The following DLGAP2 variants were observed in gnomAD, a reference collection of about 807,000 sequenced individuals.
DLGAP2 encodes the protein disks large-associated protein 2.
A neutral mutation model predicts 100.3 loss-of-function variants in DLGAP2; 26 were observed. The ratio of observed to expected loss-of-function variants is 0.26; its 90% CI spans 0.19 to 0.36. The LOEUF is 0.36. Ranked by LOEUF, DLGAP2 falls within the 10% of genes least tolerant of loss-of-function variation. The probability of loss-of-function intolerance (pLI) is 1.00; values close to 1 mark genes in which losing one functional copy is unlikely to be tolerated. For synonymous variants in DLGAP2, 886 were observed against 630.1 expected, an observed-to-expected ratio of 1.41 and a Z score of -6.08; for missense variants, 1,858 against 1,453.2, an observed-to-expected ratio of 1.28 and a Z score of -4.53.
At chr8:1,263,021 G>A (rs558023727) in intron 3 of DLGAP2, among the ~76,000 whole-genome samples, 46 of 152,224 alleles carry the variant, frequency 3.0e-4, no homozygotes, top group African/African-American at 1.0e-3. Flanking sequence ...CCACAGTGAC[G>A]TATTAACAGT....
intron 3 of DLGAP2, among the ~76,000 whole-genome samples, chr8:1,313,141 T>G (rs768573600): frequency 5.3e-5 from 8 of 152,228 alleles, no homozygotes; most frequent in Non-Finnish European, 1.2e-4. Flanking sequence ...CATTTACCTA[T>G]GTCTGTTTAT....
chr8:850,962 G>T (rs1797172691), intron 1 of DLGAP2, among the ~76,000 whole-genome samples: 1 of 152,074 alleles, frequency 6.6e-6, no homozygotes, highest in South Asian at 2.1e-4. Context: ...AGAAAATGCT[G>T]CAAAGAGGCC....
At chr8:1,408,233 C>A (rs1208236382) in intron 3 of DLGAP2, among the ~76,000 whole-genome samples, 1 of 152,232 alleles carries the variant, frequency 6.6e-6, no homozygotes, top group Admixed American at 6.5e-5. Flanking sequence ...GCCTCACTGT[C>A]CAACTCATTC....
chr8:1,702,683 T>A lies in DLGAP2; in HGVS notation c.*1277T>A, dbSNP rs1799607502. On this transcript the variant is annotated 3_prime_UTR_variant, in exon 15 of 15. Transcript: ENST00000637795. ...CAGAGGAAAATAGGAACGACTCTAA[T>A]TAATAGGCTTTCTGTGTATATAATT... 6.6e-6 allele frequency: 1 copy of A among 152,286 alleles called. No homozygotes were observed. Among genetic ancestry groups the A allele is most frequent in the African/African-American group, 2.4e-5 (1 of 41,458 alleles). The allele number at this position is 152,286 out of a possible 1,614,324, so 9.4% of individuals were successfully genotyped here. A position where few individuals can be genotyped will look rare whatever the true frequency, so the allele number is the denominator to read the frequency against.
chr8:1,680,616 G>A (rs1163141639), intron 12 of DLGAP2: 5 of 152,222 alleles, frequency 3.3e-5, no homozygotes, highest in Admixed American at 1.3e-4. Flanking sequence ...CCCGCAGCAC[G>A]GCTGCATGGG....
At chr8:1,262,981 C>T (rs1258664549) in intron 3 of DLGAP2, among the ~76,000 whole-genome samples, 1 of 152,098 alleles carries the variant, frequency 6.6e-6, no homozygotes, top group Non-Finnish European at 1.5e-5. Flanking sequence ...ATAATGATGC[C>T]TGGTGGGGCC....
At chr8:1,379,944 C>A in intron 3 of DLGAP2, among the ~76,000 whole-genome samples, 1 of 150,904 alleles carries the variant, frequency 6.6e-6, no homozygotes, top group Non-Finnish European at 1.5e-5. Flanking sequence ...CCCTTCCCTC[C>A]CCTCCTGCTC....
intron 2 of DLGAP2, among the ~76,000 whole-genome samples, chr8:1,125,720 A>G (rs1029338919): frequency 1.3e-5 from 2 of 152,254 alleles, no homozygotes; most frequent in Non-Finnish European, 2.9e-5. Flanking sequence ...CAGACTCGCA[A>G]GGTTTTACGT....
rs1003753799 is a variant in DLGAP2, at chr8:1,325,782, T to C, written c.106+66899T>C. 4.2e-4 allele frequency among the ~76,000 whole-genome samples: 64 copies of C among 152,196 alleles called. 1 individual carries two copies. The highest frequency in any genetic ancestry group is 1.4e-3 in the African/African-American group (56 of 41,450). The stretch of plus-strand genomic sequence containing the variant: ...CTGTTTTCCTGAGACGGGTGAAATG[T>C]TAATTTACTGTATCAAGAGTTGTCG... On this transcript the variant is annotated intron_variant, in intron 3 of 14. Coordinates refer to ENST00000637795, the MANE Select transcript of DLGAP2 (RefSeq NM_001346810.2).
chr8:967,198 C>G (rs1584931999), intron 2 of DLGAP2, among the ~76,000 whole-genome samples: 1 of 152,242 alleles, frequency 6.6e-6, no homozygotes, highest in Non-Finnish European at 1.5e-5. Context: ...ATACACTGTA[C>G]ACGTTTAAAC....
chr8:1,684,260 A>G lies in DLGAP2; in HGVS notation c.2704+5631A>G, dbSNP rs1320662003. On this transcript the variant is annotated intron_variant, in intron 12 of 14. Coordinates refer to ENST00000637795, the MANE Select transcript of DLGAP2 (RefSeq NM_001346810.2). ...TCTTAATTTCTTAAATTGCCCAGAT[A>G]CCTTCATCTTTTTGTGGACAGATGT... 3.3e-5 allele frequency among the ~76,000 whole-genome samples: 5 copies of G among 151,900 alleles called. No homozygotes were observed. In the East Asian group the frequency reaches 9.7e-4, roughly 29 times the overall value.
intron 2 of DLGAP2, among the ~76,000 whole-genome samples, chr8:943,378 G>A (rs1007805497): frequency 6.6e-6 from 1 of 152,174 alleles, no homozygotes; most frequent in Non-Finnish European, 1.5e-5. Flanking sequence ...TTTATGCACC[G>A]GACACTTTGG....
chr8:1,617,352 T>C (rs1797189112), intron 6 of DLGAP2, among the ~76,000 whole-genome samples: 1 of 152,236 alleles, frequency 6.6e-6, no homozygotes, highest in East Asian at 1.9e-4. Flanking sequence ...CAGCAGTGTA[T>C]GAGCATTCCC....
At chr8:1,506,843 G>T (rs564932605) in intron 4 of DLGAP2, among the ~76,000 whole-genome samples, 1 of 152,148 alleles carries the variant, frequency 6.6e-6, no homozygotes, top group Non-Finnish European at 1.5e-5. Context: ...GTCCCCACTA[G>T]ATGAGCTAGA....
At chr8:948,476 A>G (rs1411735723) in intron 2 of DLGAP2, among the ~76,000 whole-genome samples, 1 of 152,106 alleles carries the variant, frequency 6.6e-6, no homozygotes, top group East Asian at 1.9e-4. Context: ...CTCCCACCAC[A>G]CCAGGCGCCT....
In DLGAP2 at chr8:1,072,065, C is replaced by G. The variant is rs180701476; in HGVS notation, c.73+164099C>G. 6.5e-4 allele frequency among the ~76,000 whole-genome samples: 99 copies of G among 152,188 alleles called. 1 individual carries two copies. Among genetic ancestry groups the G allele is most frequent in the Non-Finnish European group, 1.1e-3 (75 of 68,044 alleles). On this transcript the variant is annotated intron_variant, in intron 2 of 14. Coordinates refer to ENST00000637795, the MANE Select transcript of DLGAP2 (RefSeq NM_001346810.2). Reference sequence around the variant, plus strand: ...CCACTCGGATCAGGGAGTGGATGATCTTTGGCTCCGTCCTGCCATGAAGTC... The same window carrying G: ...CCACTCGGATCAGGGAGTGGATGATGTTTGGCTCCGTCCTGCCATGAAGTC...
chr8:953,613 G>T (rs1799531949), intron 2 of DLGAP2, among the ~76,000 whole-genome samples: 1 of 152,194 alleles, frequency 6.6e-6, no homozygotes, highest in African/African-American at 2.4e-5. Flanking sequence ...TAGAATGTCT[G>T]CCATGTTGCC....
At chr8:861,968 T>G (rs1797400688) in intron 1 of DLGAP2, among the ~76,000 whole-genome samples, 2 of 152,256 alleles carry the variant, frequency 1.3e-5, no homozygotes, top group African/African-American at 4.8e-5. Context: ...AAGGCACTTA[T>G]GCATAAATTC....
chr8:1,036,414 G>T (rs1321118715), intron 2 of DLGAP2, among the ~76,000 whole-genome samples: 4 of 152,226 alleles, frequency 2.6e-5, no homozygotes, highest in African/African-American at 9.6e-5. Context: ...CAGCTCCTCA[G>T]GGCTGGAAAG....
Sources: gnomAD v4.1 joint callset for allele counts (sites outside exome capture counted in the v4.1 genomes callset) on GRCh38, gnomAD v4.1.1 for gene constraint, MANE v1.5 for transcripts, NCBI Gene and HGNC (gene_info 2026-07-23, HGNC 2026-07-21) for gene names.